The following INSL6 variants were observed in gnomAD, a reference collection of about 807,000 sequenced individuals.
INSL6 encodes insulin-like peptide INSL6.
Under a neutral mutation model 9.4 loss-of-function variants are expected in INSL6, and 16 were observed. That is an observed-to-expected ratio of 1.70 (90% CI 1.15 to 2.59). INSL6 has a LOEUF of 2.59. Among genes scored for constraint, INSL6 ranks in the 30% most tolerant of loss-of-function variants. The pLI, the probability that INSL6 is intolerant of heterozygous loss-of-function variation, is 0.00. For synonymous variants in INSL6, 154 were observed against 96.9 expected (o/e 1.59, Z -3.46); for missense variants, 391 against 257.3 (o/e 1.52, Z -3.56).
chr9:5,093,162 G>C, the INSL6 span, among the ~76,000 whole-genome samples: 1 of 152,104 alleles, frequency 6.6e-6, no homozygotes, highest in African/African-American at 2.4e-5. Flanking sequence ...CTGACTGACA[G>C]TTAACAGCTA....
the INSL6 span, among the ~76,000 whole-genome samples, chr9:5,057,551 C>A: frequency 6.6e-6 from 1 of 151,078 alleles, no homozygotes; most frequent in South Asian, 2.1e-4. Context: ...TCCCCCTCTT[C>A]CCAATCCTTG....
chr9:5,105,461 A>C, the INSL6 span, among the ~76,000 whole-genome samples: 3 of 152,228 alleles, frequency 2.0e-5, no homozygotes, highest in Non-Finnish European at 4.4e-5. Context: ...GATAGGAAGA[A>C]TCAATATCGT....
At chr9:5,116,172 T>G in the INSL6 span, among the ~76,000 whole-genome samples, 3,310 of 152,270 alleles carry the variant, frequency 0.022, 139 homozygotes, top group African/African-American at 0.076. Context: ...TGTATGATTA[T>G]TATCTCTATT....
chr9:5,033,604 G>T, the INSL6 span, among the ~76,000 whole-genome samples: 1 of 152,150 alleles, frequency 6.6e-6, no homozygotes, highest in African/African-American at 2.4e-5. Context: ...TTAAAGAAAA[G>T]AATTTTCAAC....
the INSL6 span, among the ~76,000 whole-genome samples, chr9:5,062,833 C>G: frequency 3.3e-5 from 5 of 152,060 alleles, no homozygotes; most frequent in Non-Finnish European, 7.4e-5. Context: ...TGAGCAATAC[C>G]TCATGTGTTT....
rs1824540371 is a variant in INSL6, at chr9:5,143,417, A to C, written c.377-9825T>G. Among the ~76,000 whole-genome samples, 3 of 151,692 alleles carry C rather than the reference A, an allele frequency of 2.0e-5. No individual in the cohort carries two copies. The South Asian group carries it at 6.3e-4, about 32-fold the overall frequency. On this transcript the variant is annotated intron_variant, in intron 2 of 3. Coordinates refer to the INSL6 transcript ENST00000649639. Reference sequence around the variant, plus strand: ...AATTTCTTCCTTGTTCAGTCTAGGGAGGGGGTATGTATCCAGGAATTTATC... The same window carrying C: ...AATTTCTTCCTTGTTCAGTCTAGGGCGGGGGTATGTATCCAGGAATTTATC...
chr9:5,123,249 A>AG (rs1564027225), downstream of INSL6: 10 of 570,638 alleles, frequency 1.8e-5, no homozygotes, highest in Non-Finnish European at 3.2e-5. Flanking sequence ...CTTTTAGGGT[A>AG]TCCACCACCT....
At chr9:5,008,685 CCTTTG>C in the INSL6 span, among the ~76,000 whole-genome samples, 1 of 152,216 alleles carries the variant, frequency 6.6e-6, no homozygotes, top group East Asian at 1.9e-4. Flanking sequence ...GTGTTTGGAT[CCTTTG>C]CTTTGATTTG....
At chr9:5,075,599 G>A in the INSL6 span, among the ~76,000 whole-genome samples, 3 of 152,120 alleles carry the variant, frequency 2.0e-5, no homozygotes, top group Non-Finnish European at 2.9e-5. Flanking sequence ...GCCCATTGTT[G>A]AGACCTGCTC....
the INSL6 span, chr9:5,078,162 T>C: frequency 4.3e-5 from 25 of 581,216 alleles, no homozygotes; most frequent in Middle Eastern, 4.6e-4. Context: ...AGTCATAAAT[T>C]TCCTTTTTTC....
chr9:4,998,490 C>T, the INSL6 span, among the ~76,000 whole-genome samples: 37 of 152,156 alleles, frequency 2.4e-4, no homozygotes, highest in African/African-American at 6.7e-4. Context: ...CTCCTGACCT[C>T]GTGATCCGCC....
chr9:5,136,139 GCTAAAAAAAAGT>G lies in INSL6; in HGVS notation c.377-2559_377-2548del, dbSNP rs1824383353. 1.3e-5 allele frequency among the ~76,000 whole-genome samples: 2 copies of G among 151,930 alleles called. 1 individual carries two copies. The highest frequency in any genetic ancestry group is 2.9e-5 in the Non-Finnish European group (2 of 67,956). ...AAAGTAATGAATTAATAGCCTACCA[GCTAAAAAAAAGT>G]CCAGGACCAGATGGATTCACAGCCA... On this transcript the variant is annotated intron_variant, in intron 2 of 3. Coordinates refer to the INSL6 transcript ENST00000649639.
At chr9:5,161,208 G>A (rs761884864), downstream of INSL6, among the ~76,000 whole-genome samples, 1 of 151,886 alleles carries the variant, frequency 6.6e-6, no homozygotes. Flanking sequence ...TAAACCAAAC[G>A]CAACAACACA....
chr9:5,115,526 A>T, the INSL6 span, among the ~76,000 whole-genome samples: 1 of 152,226 alleles, frequency 6.6e-6, no homozygotes, highest in Non-Finnish European at 1.5e-5. Flanking sequence ...ATCCAGAGTT[A>T]GAAATACCAT....
the INSL6 span, among the ~76,000 whole-genome samples, chr9:5,074,540 CA>C: frequency 6.6e-6 from 1 of 152,288 alleles, no homozygotes; most frequent in South Asian, 2.1e-4. Context: ...GTGTCCCAAA[CA>C]GAGAGAATAT....
chr9:5,182,776 A>G (rs1273321031), intron 1 of INSL6, among the ~76,000 whole-genome samples: 2 of 152,214 alleles, frequency 1.3e-5, no homozygotes, highest in African/African-American at 4.8e-5. Context: ...TGGCACTAAT[A>G]TCTCGGAAGC....
the INSL6 span, among the ~76,000 whole-genome samples, chr9:5,088,428 C>G: frequency 2.0e-5 from 3 of 152,096 alleles, no homozygotes; most frequent in African/African-American, 7.2e-5. Context: ...CCAAAATACA[C>G]TAATTTGATT....
At chr9:5,019,420 T>C in the INSL6 span, among the ~76,000 whole-genome samples, 1 of 152,144 alleles carries the variant, frequency 6.6e-6, no homozygotes, top group Non-Finnish European at 1.5e-5. Flanking sequence ...AAATTTCTCA[T>C]TGATATCCTG....
At chr9:5,136,336 G>A (rs1237972862) in intron 2 of INSL6, among the ~76,000 whole-genome samples, 5 of 151,970 alleles carry the variant, frequency 3.3e-5, no homozygotes, top group African/African-American at 1.2e-4. Flanking sequence ...ATTTTAGGCC[G>A]ATATCCCTGA....
Sources: gnomAD v4.1 joint callset for allele counts (sites outside exome capture counted in the v4.1 genomes callset) on GRCh38, gnomAD v4.1.1 for gene constraint, MANE v1.5 for transcripts, NCBI Gene and HGNC (gene_info 2026-07-23, HGNC 2026-07-21) for gene names.